DLG2: variants seen among roughly 807,000 people sequenced by gnomAD.
DLG2 encodes disks large homolog 2.
In DLG2, 45 loss-of-function variants were observed where a neutral mutation model predicts 132.5. That is an observed-to-expected ratio of 0.34 (90% CI 0.27 to 0.44). The LOEUF is 0.44. Among genes scored for constraint, DLG2 ranks in the 20% least tolerant of loss-of-function variants. DLG2 has a pLI of 1.00. For synonymous variants in DLG2, 424 were observed against 419.6 expected, an observed-to-expected ratio of 1.01 and a Z score of -0.13; for missense variants, 1,045 against 1,196.9, an observed-to-expected ratio of 0.87 and a Z score of 1.87.
At chr11:84,075,424 G>A (rs1255364892) in intron 10 of DLG2, among the ~76,000 whole-genome samples, 1 of 152,108 alleles carries the variant, frequency 6.6e-6, no homozygotes, top group East Asian at 1.9e-4. Context: ...ACTAAGCAAA[G>A]AGTTGAATAA....
At position 83,459,048 on chromosome 11, in the gene DLG2, AT is replaced by A. The variant is rs1484846272; in HGVS notation, c.*769del. 6.6e-6 allele frequency: 1 copy of A among 152,546 alleles called. No individual in the cohort carries two copies. Among genetic ancestry groups the A allele is most frequent in the Non-Finnish European group, 1.5e-5 (1 of 68,046 alleles). The allele number at this position is 152,546 out of a possible 1,614,324, so 9.4% of individuals were successfully genotyped here. On this transcript the variant is annotated 3_prime_UTR_variant, in exon 28 of 28. Coordinates refer to ENST00000376104, the MANE Select transcript of DLG2 (RefSeq NM_001142699.3). ...CTTTCAATATTAGTCTTTACAAAAT[AT>A]TTCACAAAACTTTTTTAACCTATAG...
At chr11:84,561,766 A>T (rs981080034) in intron 6 of DLG2, among the ~76,000 whole-genome samples, 8 of 152,184 alleles carry the variant, frequency 5.3e-5, no homozygotes, top group African/African-American at 1.9e-4. Flanking sequence ...TTGAAAGGCA[A>T]ATTGTTAGTT....
intron 6 of DLG2, among the ~76,000 whole-genome samples, chr11:84,827,211 C>T (rs940066434): frequency 4.0e-5 from 6 of 151,662 alleles, no homozygotes; most frequent in Non-Finnish European, 8.8e-5. Flanking sequence ...GGTCAACATT[C>T]AAACTTTCCT....
chr11:85,047,576 T>G (rs1440180702), intron 6 of DLG2, among the ~76,000 whole-genome samples: 2 of 151,888 alleles, frequency 1.3e-5, no homozygotes, highest in Admixed American at 1.3e-4. Flanking sequence ...ATGTATTACA[T>G]AATCTCCCTG....
intron 6 of DLG2, among the ~76,000 whole-genome samples, chr11:85,074,881 A>T (rs911607734): frequency 5.9e-5 from 9 of 152,026 alleles, no homozygotes; most frequent in South Asian, 2.1e-4. Flanking sequence ...GAACAAGTAA[A>T]TCTAGAGAGA....
intron 6 of DLG2, among the ~76,000 whole-genome samples, chr11:84,599,646 G>T (rs2099571148): frequency 6.6e-6 from 1 of 152,100 alleles, no homozygotes; most frequent in African/African-American, 2.4e-5. Context: ...TTTTACCAGA[G>T]CTGTGTTTTG....
At chr11:84,622,027 A>G (rs764375210) in intron 6 of DLG2, among the ~76,000 whole-genome samples, 1 of 152,190 alleles carries the variant, frequency 6.6e-6, no homozygotes, top group Non-Finnish European at 1.5e-5. Context: ...GTAAGTAAGT[A>G]AAAAGTTGCG....
chr11:83,776,001 A>G (rs2153800712), intron 18 of DLG2, among the ~76,000 whole-genome samples: 1 of 152,302 alleles, frequency 6.6e-6, no homozygotes, highest in Admixed American at 6.5e-5. Flanking sequence ...CTGAGGCAGG[A>G]GAATGGTGTG....
chr11:84,959,981 G>T (rs960436855), intron 6 of DLG2, among the ~76,000 whole-genome samples: 2 of 152,170 alleles, frequency 1.3e-5, no homozygotes, highest in African/African-American at 4.8e-5. Flanking sequence ...TTTTCAAGGG[G>T]AAAGAATAAG....
At chr11:85,610,901 C>T (rs775369593) in intron 2 of DLG2, among the ~76,000 whole-genome samples, 16 of 152,132 alleles carry the variant, frequency 1.1e-4, no homozygotes, top group South Asian at 6.2e-4. Flanking sequence ...TATGGATCCC[C>T]GGATACAGCG....
chr11:84,353,084 T>C (rs2098589862), intron 7 of DLG2, among the ~76,000 whole-genome samples: 1 of 152,184 alleles, frequency 6.6e-6, no homozygotes. Context: ...CAGATATCAT[T>C]GTGTCTCCCT....
chr11:84,847,891 A>G (rs185736206), intron 6 of DLG2, among the ~76,000 whole-genome samples: 1 of 152,246 alleles, frequency 6.6e-6, no homozygotes, highest in East Asian at 1.9e-4. Context: ...GGAAGCTGAC[A>G]AAGTTTTCAA....
intron 3 of DLG2, among the ~76,000 whole-genome samples, chr11:85,472,102 A>T (rs1287505004): frequency 6.6e-6 from 1 of 152,164 alleles, no homozygotes; most frequent in African/African-American, 2.4e-5. Context: ...AGTCTGGGTG[A>T]AGTCCCTGAC....
At chr11:84,868,638 C>T (rs906606756) in intron 6 of DLG2, among the ~76,000 whole-genome samples, 4 of 151,318 alleles carry the variant, frequency 2.6e-5, no homozygotes, top group Non-Finnish European at 5.9e-5. Flanking sequence ...AAACATCTGA[C>T]GAGGCAGGAA....
intron 3 of DLG2, among the ~76,000 whole-genome samples, chr11:85,588,329 T>A (rs973268022): frequency 6.6e-6 from 1 of 152,198 alleles, no homozygotes; most frequent in Non-Finnish European, 1.5e-5. Context: ...CACCAATTAT[T>A]CTTGGGTTTG....
chr11:84,026,383 A>G (rs2095536068), intron 11 of DLG2, among the ~76,000 whole-genome samples: 1 of 152,106 alleles, frequency 6.6e-6, no homozygotes. Context: ...TAGTTAGTAT[A>G]ATACAATACT....
intron 3 of DLG2, among the ~76,000 whole-genome samples, chr11:85,421,586 T>A (rs1424499753): frequency 6.6e-6 from 1 of 152,002 alleles, no homozygotes; most frequent in Non-Finnish European, 1.5e-5. Flanking sequence ...GAAGGCAGCA[T>A]ATAGTTGGTT....
chr11:83,889,363 C>T (rs374287056), intron 15 of DLG2, among the ~76,000 whole-genome samples: 3 of 151,996 alleles, frequency 2.0e-5, no homozygotes, highest in Non-Finnish European at 4.4e-5. Context: ...AAAATGCTCA[C>T]CATCACTGGC....
intron 6 of DLG2, among the ~76,000 whole-genome samples, chr11:84,838,766 G>C (rs1186929748): frequency 1.3e-5 from 2 of 152,042 alleles, no homozygotes; most frequent in African/African-American, 4.8e-5. Flanking sequence ...AATAGATGCA[G>C]AAAAGGCCTT....
Sources: allele counts gnomAD v4.1 joint callset (sites outside exome capture counted in the v4.1 genomes callset), GRCh38; gene constraint gnomAD v4.1.1; transcripts MANE v1.5; gene names NCBI Gene and HGNC (gene_info 2026-07-23, HGNC 2026-07-21).